Variants in CDH12 observed in about 807,000 individuals in gnomAD.
The protein encoded by CDH12 is cadherin-12.
A neutral mutation model predicts 74.1 loss-of-function variants in CDH12; 41 were observed. That is an observed-to-expected ratio of 0.55 (90% confidence interval 0.43 to 0.72). The LOEUF (loss-of-function observed/expected upper bound fraction) is 0.72, where lower values mean the gene tolerates loss of function less well. Ranked by LOEUF, CDH12 falls within the 30% of genes least tolerant of loss-of-function variation. CDH12 has a pLI of 0.00. For missense variants in CDH12, 945 were observed against 977.2 expected (o/e 0.97, Z 0.44); for synonymous variants, 399 against 355.0 (o/e 1.12, Z -1.39).
At chr5:22,056,039 TTACTA>T (rs1561063526) in intron 5 of CDH12, among the ~76,000 whole-genome samples, 1 of 152,116 alleles carries the variant, frequency 6.6e-6, no homozygotes, top group African/African-American at 2.4e-5. Context: ...TTTTAAAAGT[TTACTA>T]TATATTTGCA....
At chr5:22,410,126 A>G (rs1743114346) in intron 2 of CDH12, among the ~76,000 whole-genome samples, 1 of 152,056 alleles carries the variant, frequency 6.6e-6, no homozygotes, top group Non-Finnish European at 1.5e-5. Flanking sequence ...CAATACCTCA[A>G]AATGAAAGCC....
At position 22,741,016 on chromosome 5, in the gene CDH12, G is replaced by A. The variant is rs752934623; in HGVS notation, c.-523+112042C>T. Among the ~76,000 whole-genome samples, 34 of 152,158 alleles carry A rather than the reference G, an allele frequency of 2.2e-4. 1 individual carries two copies. The highest frequency in any genetic ancestry group is 6.2e-4 in the South Asian group (3 of 4,826). On this transcript the variant is annotated intron_variant, in intron 1 of 14. Transcript: ENST00000382254. ...TTCTCTATTCTAATTTGAAAATATC[G>A]CACAGTGTGACACCAAAGTAGAAGA...
intron 9 of CDH12, among the ~76,000 whole-genome samples, chr5:21,806,636 T>G (rs1309017021): frequency 1.3e-5 from 2 of 152,210 alleles, no homozygotes; most frequent in African/African-American, 4.8e-5. Flanking sequence ...ATAATTTGTT[T>G]GCCTTTTCTC....
At chr5:21,879,920 T>C (rs1248155938) in intron 6 of CDH12, among the ~76,000 whole-genome samples, 1 of 152,250 alleles carries the variant, frequency 6.6e-6, no homozygotes, top group Admixed American at 6.5e-5. Flanking sequence ...AACAGGTAGA[T>C]GGAAAACTTA....
chr5:22,594,310 T>C (rs1736488326), intron 1 of CDH12, among the ~76,000 whole-genome samples: 2 of 152,168 alleles, frequency 1.3e-5, no homozygotes, highest in Admixed American at 1.3e-4. Flanking sequence ...ATGGCTCACA[T>C]TGTTCCCTGA....
intron 1 of CDH12, among the ~76,000 whole-genome samples, chr5:22,511,141 T>C (rs139608395): frequency 0.018 from 2,725 of 152,246 alleles, 80 homozygotes; most frequent in African/African-American, 0.062. Flanking sequence ...GTGATCTACC[T>C]GCCTCGGCCT....
chr5:22,054,584 G>T (rs1343737499), intron 5 of CDH12, among the ~76,000 whole-genome samples: 1 of 152,002 alleles, frequency 6.6e-6, no homozygotes, highest in Non-Finnish European at 1.5e-5. Context: ...GCAAAGATCT[G>T]CCCATGTCTT....
chr5:22,799,290 G>C (rs528484326), intron 1 of CDH12, among the ~76,000 whole-genome samples: 1 of 152,072 alleles, frequency 6.6e-6, no homozygotes, highest in Non-Finnish European at 1.5e-5. Context: ...ATAATATAAA[G>C]CGTATATATC....
At chr5:22,257,037 C>T (rs1753343191) in intron 3 of CDH12, among the ~76,000 whole-genome samples, 1 of 152,112 alleles carries the variant, frequency 6.6e-6, no homozygotes, top group Non-Finnish European at 1.5e-5. Flanking sequence ...ATGGTTGGAA[C>T]TAGAGGCTGT....
At chr5:22,355,105 T>C (rs1740505831) in intron 3 of CDH12, among the ~76,000 whole-genome samples, 2 of 152,168 alleles carry the variant, frequency 1.3e-5, no homozygotes, top group African/African-American at 4.8e-5. Context: ...GGCATTCATT[T>C]TGAATATGAT....
intron 4 of CDH12, among the ~76,000 whole-genome samples, chr5:22,179,281 G>C (rs184210664): frequency 6.6e-6 from 1 of 152,212 alleles, no homozygotes; most frequent in Non-Finnish European, 1.5e-5. Context: ...ATTTGCTTGT[G>C]ATTATTTGTG....
At chr5:22,629,142 T>C (rs887074868) in intron 1 of CDH12, among the ~76,000 whole-genome samples, 2 of 152,104 alleles carry the variant, frequency 1.3e-5, no homozygotes, top group East Asian at 1.9e-4. Flanking sequence ...CAGTACTAGA[T>C]GGATGCACAG....
chr5:22,058,053 T>TTTTA lies in CDH12; in HGVS notation c.231+20389_231+20392dup, dbSNP rs560195415. The stretch of plus-strand genomic sequence containing the variant: ...TCTATCTATCTATCTATCATCTATC[T>TTTTA]TTTATTTATTTATTTATTTATTTGA... On this transcript the variant is annotated intron_variant, in intron 5 of 14. Coordinates refer to ENST00000382254, the MANE Select transcript of CDH12 (RefSeq NM_004061.5). Among the ~76,000 whole-genome samples the TTTTA allele has an allele frequency of 8.5e-3, 1,276 of 150,428 alleles. 10 individuals are homozygous for TTTTA. Among genetic ancestry groups the TTTTA allele is most frequent in the African/African-American group, 0.023 (937 of 40,766 alleles).
chr5:22,206,743 A>G (rs1029153380), intron 4 of CDH12, among the ~76,000 whole-genome samples: 24 of 148,492 alleles, frequency 1.6e-4, no homozygotes, highest in Non-Finnish European at 3.1e-4. Flanking sequence ...TATGCAAAGT[A>G]TGCAATGGAA....
intron 3 of CDH12, among the ~76,000 whole-genome samples, chr5:22,234,117 G>A (rs1752480795): frequency 6.6e-6 from 1 of 152,056 alleles, no homozygotes; most frequent in African/African-American, 2.4e-5. Flanking sequence ...AAACTCATTT[G>A]TCTGCAAATA....
At chr5:21,873,300 C>CT (rs1054369756) in intron 6 of CDH12, among the ~76,000 whole-genome samples, 1 of 152,122 alleles carries the variant, frequency 6.6e-6, no homozygotes, top group Non-Finnish European at 1.5e-5. Flanking sequence ...ATTCTTCCCC[C>CT]TTTTTTTCTG....
intron 5 of CDH12, among the ~76,000 whole-genome samples, chr5:21,997,309 T>G (rs1278668080): frequency 6.6e-6 from 1 of 152,138 alleles, no homozygotes; most frequent in African/African-American, 2.4e-5. Context: ...TCCTCCAATA[T>G]TTATCCCTGT....
chr5:22,170,743 G>A (rs1038093348), intron 4 of CDH12, among the ~76,000 whole-genome samples: 3 of 151,840 alleles, frequency 2.0e-5, no homozygotes, highest in Non-Finnish European at 2.9e-5. Context: ...GCAGAATCAC[G>A]AATTCACTGA....
At chr5:22,763,204 T>A (rs1746314258) in intron 1 of CDH12, among the ~76,000 whole-genome samples, 1 of 151,930 alleles carries the variant, frequency 6.6e-6, no homozygotes, top group Non-Finnish European at 1.5e-5. Context: ...GAGAACCACA[T>A]CTCTAGATTT....
Sources: gnomAD v4.1 joint callset for allele counts (sites outside exome capture counted in the v4.1 genomes callset) on GRCh38, gnomAD v4.1.1 for gene constraint, MANE v1.5 for transcripts, NCBI Gene and HGNC (gene_info 2026-07-23, HGNC 2026-07-21) for gene names.